The following POTEH variants were observed in gnomAD, a reference collection of about 807,000 sequenced individuals.
POTEH encodes the protein ANKRD26-like family C member 3.
A neutral mutation model predicts 41.7 loss-of-function variants in POTEH; 6 were observed. That is an observed-to-expected ratio of 0.14 (90% CI 0.08 to 0.28). The LOEUF is 0.28. POTEH is among the 10% of genes least tolerant of loss of function. The pLI is 1.00. For synonymous variants in POTEH, 38 were observed against 179.9 expected (o/e 0.21, Z 6.31); for missense variants, 115 against 533.5 (o/e 0.22, Z 7.73).
chr22:15,690,696 G>T lies in POTEH; in HGVS notation c.619G>T (p.Asp207Tyr), dbSNP rs1989284089. The change falls in exon 1 of 11, where the codon GAC becomes TAC. Residue 207 changes from aspartate (D) to tyrosine (Y), a missense_variant. Transcript: ENST00000343518. ...CAAGGACACTGACATGAACAAGAAG[G>T]ACAAGCAAAAGAGGTAACCAGGCCT... ...MLKDTDMNKK[D>Y]KQKRTALHLA... The T allele has an allele frequency of 7.1e-7, 1 of 1,411,658 alleles. No homozygotes were observed. Among genetic ancestry groups the T allele is most frequent in the African/African-American group, 1.5e-5 (1 of 66,388 alleles). The allele number at this position is 1,411,658 out of a possible 1,614,324, so 87.4% of individuals were successfully genotyped here. A position where few individuals can be genotyped will look rare whatever the true frequency, so the allele number is the denominator to read the frequency against.
intron 1 of POTEH, among the ~76,000 whole-genome samples, chr22:15,691,568 T>C (rs1424349468): frequency 2.0e-4 from 29 of 143,050 alleles, no homozygotes; most frequent in South Asian, 6.7e-4. Context: ...TATTTATCAC[T>C]TTTACTTAAG....
chr22:15,690,765 C>T (rs1989286303), intron 1 of POTEH, 56 bp downstream of exon 1: 2 of 1,391,382 alleles, frequency 1.4e-6, no homozygotes, highest in Non-Finnish European at 2.0e-6. Context: ...GGGGACATAC[C>T]CTCCTGGCCG....
intron 9 of POTEH, among the ~76,000 whole-genome samples, chr22:15,713,677 T>A (rs574745689): frequency 9.9e-5 from 15 of 152,258 alleles, no homozygotes; most frequent in African/African-American, 3.6e-4. Flanking sequence ...TTTTTGTATT[T>A]TTAGTAGTGA....
chr22:15,711,427 G>C (rs1247735662), intron 9 of POTEH, among the ~76,000 whole-genome samples: 14 of 151,448 alleles, frequency 9.2e-5, no homozygotes, highest in African/African-American at 2.7e-4. Flanking sequence ...GTAGGCCCCA[G>C]TGTCTGTTAT....
Position 15,690,033 on chromosome 22 carries a change from G to C in POTEH, c.-45G>C. 7.3e-7 allele frequency: 1 copy of C among 1,376,152 alleles called. No homozygotes were observed. The highest frequency in any genetic ancestry group is 1.0e-6 in the Non-Finnish European group (1 of 999,432). 85.2% of individuals were successfully genotyped at this position (1,376,152 alleles called of 1,614,324 possible). ...CAGTTGGTGAAACTGGTTGGTAGAC[G>C]CGATCTGCTGGCTACTACCGGCCTT... is the stretch of plus-strand genomic sequence containing the variant. On this transcript the variant is annotated 5_prime_UTR_variant, in exon 1 of 11. Transcript: ENST00000343518.
Position 15,711,206 on chromosome 22 carries a change from T to C in POTEH, c.1520+172T>C, listed in dbSNP as rs1435922782. Among the ~76,000 whole-genome samples the C allele has an allele frequency of 5.9e-5, 9 of 152,184 alleles. No individual in the cohort carries two copies. In the East Asian group the frequency reaches 1.5e-3, roughly 26 times the overall value. ...TCCAGTCATTAATTTATTTGAAAAA[T>C]AGCCAGTATTGGCAAATGTGAGGGA... On this transcript the variant is annotated intron_variant, in intron 9 of 10. Coordinates refer to ENST00000343518, the MANE Select transcript of POTEH (RefSeq NM_001136213.1).
intron 1 of POTEH, among the ~76,000 whole-genome samples, chr22:15,691,919 T>G (rs1469657098): frequency 6.8e-6 from 1 of 147,374 alleles, no homozygotes; most frequent in Non-Finnish European, 1.5e-5. Context: ...AGATTAAAAA[T>G]TTTAAATATA....
In POTEH at chr22:15,695,803, C is replaced by T. The variant is rs1309914016; in HGVS notation, c.906C>T (p.Ile302=). The T allele has an allele frequency of 1.2e-4, 2 of 16,624 alleles. No homozygotes were observed. Among genetic ancestry groups the T allele is most frequent in the South Asian group, 1.1e-3 (2 of 1,748 alleles). The allele number at this position is 16,624 out of a possible 1,614,324, so 1.0% of individuals were successfully genotyped here. ...CACTGCTCTTATACGGTGCTGATAT[C>T]GAATCAAAAAACAAGGTATAGATCT... is the stretch of plus-strand genomic sequence containing the variant. ...AKALLLYGAD[I]ESKNKHGLTP... Residue 302 remains isoleucine (I), a synonymous_variant, in exon 3 of 11, where the codon ATC becomes ATT. Coordinates refer to ENST00000343518, the MANE Select transcript of POTEH (RefSeq NM_001136213.1).
chr22:15,692,463 G>A (rs1169059942), intron 1 of POTEH, among the ~76,000 whole-genome samples: 6 of 146,318 alleles, frequency 4.1e-5, no homozygotes, highest in African/African-American at 1.5e-4. Context: ...TAAGTTAGAG[G>A]AGGAATGAAA....
intron 9 of POTEH, among the ~76,000 whole-genome samples, chr22:15,714,513 C>A (rs1325424376): frequency 5.3e-5 from 8 of 152,004 alleles, no homozygotes; most frequent in African/African-American, 1.9e-4. Flanking sequence ...CCTTACCTAT[C>A]TCTAGTGCTT....
In POTEH at chr22:15,696,851, G is replaced by A. The variant is rs867720524; in HGVS notation, c.921+1033G>A. Among the ~76,000 whole-genome samples the A allele has an allele frequency of 5.0e-4, 72 of 144,318 alleles. 1 individual carries two copies. Among genetic ancestry groups the A allele is most frequent in the Middle Eastern group, 3.4e-3 (1 of 292 alleles). The allele number at this position is 144,318 out of a possible 152,430, so 94.7% of individuals were successfully genotyped here. ...TTGGCCAAATCTTCAAATAAGAAAG[G>A]GAATTGGTTATCTGGGTGGTGAGAA... On this transcript the variant is annotated intron_variant, in intron 3 of 10. Coordinates refer to ENST00000343518, the MANE Select transcript of POTEH (RefSeq NM_001136213.1).
In POTEH at chr22:15,690,396, C is replaced by T; in HGVS notation, c.319C>T (p.Pro107Ser). 1 of 1,379,748 alleles carries T rather than the reference C, an allele frequency of 7.2e-7. No homozygotes were observed. Among genetic ancestry groups the T allele is most frequent in the Non-Finnish European group, 1.0e-6 (1 of 1,003,018 alleles). The allele number at this position is 1,379,748 out of a possible 1,614,324, so 85.5% of individuals were successfully genotyped here. A position where few individuals can be genotyped will look rare whatever the true frequency, so the allele number is the denominator to read the frequency against. ...KMGKWCCHCF[P>S]CCRGSGKSNV... Reference sequence around the variant, plus strand: ...GGGCAAGTGGTGCTGCCACTGCTTCCCCTGCTGCAGGGGGAGCGGCAAGAG... The same window carrying T: ...GGGCAAGTGGTGCTGCCACTGCTTCTCCTGCTGCAGGGGGAGCGGCAAGAG... Residue 107 changes from proline (P) to serine (S), a missense_variant, in exon 1 of 11, where the codon CCC (proline) becomes TCC (serine). Transcript: ENST00000343518.
chr22:15,692,373 C>T (rs1382574534), intron 1 of POTEH, among the ~76,000 whole-genome samples: 1 of 146,862 alleles, frequency 6.8e-6, no homozygotes, highest in African/African-American at 2.5e-5. Context: ...TACCAGTGAC[C>T]TATGTGCATA....
chr22:15,690,512 C>A lies in POTEH; in HGVS notation c.435C>A (p.Cys145Ter), dbSNP rs536163436. The change falls in exon 1 of 11, where the codon TGC becomes TGA. Residue 145 changes from cysteine to a stop codon, truncating the protein, a stop_gained. Transcript: ENST00000343518. LOFTEE classifies it high-confidence loss of function. ...AGTGGTGCTGCCACTGCTTCCCCTG[C>A]TGCAGGGGGAGCGGCAAGAACAAAG... Reference protein sequence around the residue: ...MGKWCCHCFPCCRGSGKNKVG... With the variant: ...MGKWCCHCFP 6 of 1,399,672 alleles carry A rather than the reference C, an allele frequency of 4.3e-6. No individual in the cohort carries two copies. Among genetic ancestry groups the A allele is most frequent in the Non-Finnish European group, 4.9e-6 (5 of 1,013,716 alleles). The allele number at this position is 1,399,672 out of a possible 1,614,324, so 86.7% of individuals were successfully genotyped here.
intron 9 of POTEH, 89 bp from the exon 10 acceptor site, chr22:15,719,570 TG>T (rs1487680012): frequency 1.6e-5 from 12 of 747,188 alleles, no homozygotes; most frequent in Admixed American, 1.0e-4. Flanking sequence ...AGATATACAT[TG>T]TGTGAATGAC....
At chr22:15,711,243 C>A (rs1241624930) in intron 9 of POTEH, among the ~76,000 whole-genome samples, 192 of 152,026 alleles carry the variant, frequency 1.3e-3, no homozygotes, top group African/African-American at 4.5e-3. Flanking sequence ...AAGGCATTTT[C>A]TTTTCTTTTC....
intron 9 of POTEH, among the ~76,000 whole-genome samples, chr22:15,711,631 A>C (rs1297664982): frequency 6.6e-6 from 1 of 151,736 alleles, no homozygotes; most frequent in East Asian, 2.0e-4. Context: ...TTGAACATTA[A>C]TTTAGTAGCA....
chr22:15,693,461 T>G (rs1989377643), intron 1 of POTEH, among the ~76,000 whole-genome samples: 2 of 152,266 alleles, frequency 1.3e-5, no homozygotes. Context: ...GATTTTATTG[T>G]ATATAGATTT....
intron 1 of POTEH, among the ~76,000 whole-genome samples, chr22:15,691,554 T>C (rs202217686): frequency 0.33 from 34,103 of 102,434 alleles, 2,215 homozygotes; most frequent in African/African-American, 0.41. Flanking sequence ...AAGTGAGCTT[T>C]TTCTATTTAT....
Sources: gnomAD v4.1 joint callset for allele counts (sites outside exome capture counted in the v4.1 genomes callset) on GRCh38, gnomAD v4.1.1 for gene constraint, MANE v1.5 for transcripts, NCBI Gene and HGNC (gene_info 2026-07-23, HGNC 2026-07-21) for gene names.